HPD: variants seen among roughly 807,000 people sequenced by gnomAD.
The protein encoded by HPD is 4-hydroxyphenylpyruvate dioxygenase, also known as 4-hydroxyphenylpyruvic acid oxidase.
In HPD, 35 loss-of-function variants were observed where a neutral mutation model predicts 56.9. That is an observed-to-expected ratio of 0.62 (90% CI 0.47 to 0.82). HPD has a LOEUF of 0.82. Among genes scored for constraint, HPD ranks in the 40% least tolerant of loss-of-function variants. The probability of loss-of-function intolerance (pLI) is 0.00; values close to 1 mark genes in which losing one functional copy is unlikely to be tolerated. For synonymous variants in HPD, 186 were observed against 200.2 expected, an observed-to-expected ratio of 0.93 and a Z score of 0.60; for missense variants, 442 against 506.8, an observed-to-expected ratio of 0.87 and a Z score of 1.23.
At chr12:121,844,835 C>T (rs1044011879) in intron 11 of HPD, among the ~76,000 whole-genome samples, 4 of 151,508 alleles carry the variant, frequency 2.6e-5, no homozygotes, top group Non-Finnish European at 5.9e-5. Context: ...GAGCCGAGAT[C>T]GCGTCACTGC....
chr12:121,856,109 C>G (rs1385815219), intron 6 of HPD: 1 of 639,648 alleles, frequency 1.6e-6, no homozygotes, highest in Non-Finnish European at 2.9e-6. Flanking sequence ...GCAGGGCACC[C>G]CCGGAGCCCA....
chr12:121,857,514 C>T, intron 3 of HPD, 82 bp from the exon 4 acceptor site: 21 of 1,095,672 alleles, frequency 1.9e-5, no homozygotes, highest in Non-Finnish European at 2.8e-5. Flanking sequence ...CCTGGCCCCC[C>T]TCAGCCTGCC....
chr12:121,875,547 T>TC, the HPD span, among the ~76,000 whole-genome samples: 7 of 150,838 alleles, frequency 4.6e-5, no homozygotes, highest in African/African-American at 1.5e-4. Context: ...TACCTCAGCC[T>TC]CCCAAGTAGC....
upstream of HPD, among the ~76,000 whole-genome samples, chr12:121,862,698 C>CTTT (rs34868560): frequency 5.5e-5 from 3 of 54,994 alleles, no homozygotes; most frequent in African/African-American, 8.8e-5. Flanking sequence ...TCAATGCAAG[C>CTTT]TTTTTTTTTT....
chr12:121,858,716 A>G lies in HPD; in HGVS notation c.4-3T>C. On this transcript the variant is annotated splice_region_variant and splice_polypyrimidine_tract_variant and intron_variant, in intron 1 of 13. Transcript: ENST00000289004. ...GCCCCTTTGTCACTGTAAGTCGTCT[A>G]AGGAGAAAAAGAAGGACAGTGAGAC... The G allele has an allele frequency of 6.2e-7, 1 of 1,614,100 alleles. No homozygotes were observed. The highest frequency in any genetic ancestry group is 8.5e-7 in the Non-Finnish European group (1 of 1,179,980).
At chr12:121,841,760 T>C (rs1474367949) in intron 12 of HPD, among the ~76,000 whole-genome samples, 2 of 151,972 alleles carry the variant, frequency 1.3e-5, no homozygotes, top group Non-Finnish European at 2.9e-5. Flanking sequence ...CTCGGCTCAC[T>C]GCAACCTCCC....
At chr12:121,843,949 A>C in intron 11 of HPD, 117 bp from the exon 12 acceptor site, 1 of 1,199,334 alleles carries the variant, frequency 8.3e-7, no homozygotes, top group South Asian at 1.3e-5. Flanking sequence ...CTCAACTGCC[A>C]GGATGCTGTG....
chr12:121,862,045 T>C (rs1443108346), upstream of HPD, among the ~76,000 whole-genome samples: 1 of 152,154 alleles, frequency 6.6e-6, no homozygotes, highest in East Asian at 1.9e-4. Flanking sequence ...AACCTGATGC[T>C]GTCTGCTGTG....
chr12:121,853,167 GC>G (rs1442811663), intron 7 of HPD, among the ~76,000 whole-genome samples: 1 of 152,132 alleles, frequency 6.6e-6, no homozygotes, highest in Non-Finnish European at 1.5e-5. Flanking sequence ...AGACACTAGG[GC>G]CTGTCAGGTG....
chr12:121,872,101 G>C, the HPD span, among the ~76,000 whole-genome samples: 2 of 149,982 alleles, frequency 1.3e-5, no homozygotes, highest in Middle Eastern at 3.4e-3. Context: ...TTAGCTGGGC[G>C]TGGTGGTGGG....
chr12:121,863,785 G>GA (rs1176192492), upstream of HPD, among the ~76,000 whole-genome samples: 753 of 133,992 alleles, frequency 5.6e-3, 6 homozygotes, highest in African/African-American at 0.019. Context: ...GTCTCTAAAA[G>GA]AAAAAAAAAA....
the HPD span, among the ~76,000 whole-genome samples, chr12:121,879,857 A>G: frequency 6.6e-6 from 1 of 152,164 alleles, no homozygotes; most frequent in South Asian, 2.1e-4. Flanking sequence ...TTGAAAAGCT[A>G]TACTGGGTGG....
intron 11 of HPD, among the ~76,000 whole-genome samples, chr12:121,844,954 T>C (rs1028284081): frequency 1.3e-5 from 2 of 149,984 alleles, no homozygotes; most frequent in Admixed American, 1.3e-4. Flanking sequence ...CGTGGTGTCA[T>C]GCACCTGTAA....
At chr12:121,845,851 A>C (rs1227241255) in intron 11 of HPD, among the ~76,000 whole-genome samples, 1 of 152,186 alleles carries the variant, frequency 6.6e-6, no homozygotes, top group Non-Finnish European at 1.5e-5. Context: ...TGTTATAGGC[A>C]TGAGCCACCA....
intron 7 of HPD, among the ~76,000 whole-genome samples, chr12:121,850,304 G>A (rs1199403591): frequency 1.3e-5 from 2 of 151,392 alleles, no homozygotes; most frequent in African/African-American, 2.4e-5. Flanking sequence ...GCGGGTGCCC[G>A]TAGTCCCAGC....
chr12:121,858,023 C>T (rs771472908), intron 2 of HPD, among the ~76,000 whole-genome samples: 2 of 150,308 alleles, frequency 1.3e-5, no homozygotes, highest in South Asian at 2.1e-4. Context: ...GATGGGGAAA[C>T]CCCCTCAGGA....
At chr12:121,856,277 G>A (rs1354944999) in intron 6 of HPD, 47 bp downstream of exon 6, 2 of 1,476,552 alleles carry the variant, frequency 1.4e-6, no homozygotes, top group Non-Finnish European at 1.9e-6. Context: ...GGGTCCCCAT[G>A]GCAGACGGAG....
chr12:121,858,947 G>T, upstream of HPD: 1 of 1,132,386 alleles, frequency 8.8e-7, no homozygotes. Context: ...GTGGGGAGCT[G>T]AGCCCAGCCC....
chr12:121,869,121 A>G, the HPD span, among the ~76,000 whole-genome samples: 1 of 151,944 alleles, frequency 6.6e-6, no homozygotes, highest in South Asian at 2.1e-4. Flanking sequence ...TGGGAGGCCG[A>G]GGCGGATCAC....
Sources: allele counts gnomAD v4.1 joint callset (sites outside exome capture counted in the v4.1 genomes callset), GRCh38; gene constraint gnomAD v4.1.1; transcripts MANE v1.5; gene names NCBI Gene and HGNC (gene_info 2026-07-23, HGNC 2026-07-21).